KCMF1: variants seen among roughly 807,000 people sequenced by gnomAD.
KCMF1 encodes the protein potassium channel modulatory factor 1.
In KCMF1, 3 loss-of-function variants were observed where a neutral mutation model predicts 41.1. The observed-to-expected ratio is 0.07, with a 90% CI of 0.03 to 0.19. The LOEUF (loss-of-function observed/expected upper bound fraction) is 0.19. Ranked by LOEUF, KCMF1 falls within the 10% of genes least tolerant of loss-of-function variation. The probability of loss-of-function intolerance (pLI) is 1.00; values close to 1 mark genes in which losing one functional copy is unlikely to be tolerated. For missense variants in KCMF1, 286 were observed against 488.9 expected (o/e 0.58, Z 3.91); for synonymous variants, 142 against 164.5 (o/e 0.86, Z 1.04).
intron 1 of KCMF1, among the ~76,000 whole-genome samples, chr2:84,983,361 C>G (rs1045732032): frequency 5.9e-5 from 9 of 151,924 alleles, no homozygotes; most frequent in Non-Finnish European, 1.0e-4. Flanking sequence ...GAGTCTCACT[C>G]TGTTGCCCAG....
At chr2:85,003,199 C>T (rs575041137) in intron 1 of KCMF1, among the ~76,000 whole-genome samples, 3 of 152,218 alleles carry the variant, frequency 2.0e-5, no homozygotes, top group South Asian at 2.1e-4. Flanking sequence ...GTTGGCCGGG[C>T]GCGGTGGCTC....
chr2:85,011,209 A>G (rs1674645052), intron 1 of KCMF1, among the ~76,000 whole-genome samples: 1 of 152,130 alleles, frequency 6.6e-6, no homozygotes, highest in South Asian at 2.1e-4. Context: ...AACCCCTTTA[A>G]GGTTTCTTCT....
At position 85,056,078 on chromosome 2, in the gene KCMF1, C is replaced by T. The variant is rs750417682; in HGVS notation, c.*2669C>T. The T allele has an allele frequency of 1.8e-4, 27 of 151,310 alleles. No individual in the cohort carries two copies. Among genetic ancestry groups the T allele is most frequent in the Admixed American group, 3.3e-4 (5 of 15,218 alleles). The allele number at this position is 151,310 out of a possible 1,614,324, so 9.4% of individuals were successfully genotyped here. On this transcript the variant is annotated 3_prime_UTR_variant, in exon 7 of 7. Coordinates refer to ENST00000409785, the MANE Select transcript of KCMF1 (RefSeq NM_020122.5). ...AGACAGAATTTCTGTGGTTGGCTAC[C>T]GTGAAATCTTTGTATTTATATTGCA...
chr2:84,975,478 G>A (rs1405506042), intron 1 of KCMF1, among the ~76,000 whole-genome samples: 1 of 152,168 alleles, frequency 6.6e-6, no homozygotes, highest in African/African-American at 2.4e-5. Flanking sequence ...GGAAATAATT[G>A]TTCCTCAGGA....
chr2:85,001,657 G>A (rs2103990555), intron 1 of KCMF1, among the ~76,000 whole-genome samples: 1 of 152,202 alleles, frequency 6.6e-6, no homozygotes, highest in East Asian at 1.9e-4. Context: ...CCAAAAAATA[G>A]CCCCCATACA....
chr2:85,030,264 A>G (rs757208690), intron 2 of KCMF1, among the ~76,000 whole-genome samples: 1 of 150,826 alleles, frequency 6.6e-6, no homozygotes, highest in Non-Finnish European at 1.5e-5. Flanking sequence ...ATGATTTGCA[A>G]AAATTTTCTC....
chr2:84,982,518 C>T (rs548223117), intron 1 of KCMF1, among the ~76,000 whole-genome samples: 2 of 148,442 alleles, frequency 1.3e-5, no homozygotes, highest in Non-Finnish European at 3.0e-5. Context: ...TCTCCTGCCT[C>T]AGCCTCCCGA....
In KCMF1 at chr2:85,006,547, C is replaced by T. The variant is rs1043126013; in HGVS notation, c.17-21342C>T. Among the ~76,000 whole-genome samples the T allele has an allele frequency of 9.9e-5, 15 of 151,882 alleles. No individual in the cohort carries two copies. The South Asian group carries it at 2.1e-3, about 21-fold the overall frequency. The stretch of plus-strand genomic sequence containing the variant: ...GATCTTCTGACCTTGTGATCCACCA[C>T]CTTGGTCTCCCAAAGTGCTGGGATT... On this transcript the variant is annotated intron_variant, in intron 1 of 6. Coordinates refer to ENST00000409785, the MANE Select transcript of KCMF1 (RefSeq NM_020122.5).
At chr2:84,982,590 G>T (rs1250930708) in intron 1 of KCMF1, among the ~76,000 whole-genome samples, 3 of 151,504 alleles carry the variant, frequency 2.0e-5, no homozygotes, top group Admixed American at 2.0e-4. Context: ...GTAGAGACGG[G>T]GTTTCGCCAT....
chr2:84,976,226 A>C, intron 1 of KCMF1, among the ~76,000 whole-genome samples: 1 of 149,334 alleles, frequency 6.7e-6, no homozygotes, highest in Admixed American at 6.6e-5. Flanking sequence ...TTTTTTTTAA[A>C]GACAGAGTCT....
chr2:84,988,213 C>G (rs1293263010), intron 1 of KCMF1, among the ~76,000 whole-genome samples: 1 of 149,472 alleles, frequency 6.7e-6, no homozygotes, highest in East Asian at 2.0e-4. Context: ...GCCTGGGCAA[C>G]AAGAGTGAAA....
chr2:85,021,608 C>T (rs1039360331), intron 1 of KCMF1, among the ~76,000 whole-genome samples: 37 of 148,886 alleles, frequency 2.5e-4, no homozygotes, highest in Non-Finnish European at 3.1e-4. Context: ...GGCAACAGAG[C>T]GAGACTGTCA....
intron 1 of KCMF1, among the ~76,000 whole-genome samples, chr2:85,001,638 T>C (rs1332252823): frequency 6.6e-6 from 1 of 152,174 alleles, no homozygotes. Flanking sequence ...CCCCTAATCA[T>C]TGTGATGACC....
intron 1 of KCMF1, among the ~76,000 whole-genome samples, chr2:84,972,426 A>G (rs189628418): frequency 6.6e-6 from 1 of 152,338 alleles, no homozygotes; most frequent in East Asian, 1.9e-4. Flanking sequence ...ATTTATTGCC[A>G]TATGGTTTAG....
chr2:85,038,434 A>G (rs1460271933), intron 3 of KCMF1, among the ~76,000 whole-genome samples: 4 of 152,186 alleles, frequency 2.6e-5, no homozygotes, highest in Non-Finnish European at 4.4e-5. Flanking sequence ...TAGATCATCC[A>G]CTAGTCCTTT....
At chr2:84,979,544 T>TTA (rs1207119996) in intron 1 of KCMF1, among the ~76,000 whole-genome samples, 1 of 151,596 alleles carries the variant, frequency 6.6e-6, no homozygotes, top group African/African-American at 2.4e-5. Context: ...AAAAATCACT[T>TTA]TATAAATATA....
chr2:85,051,623 C>G (rs888984384), intron 6 of KCMF1, among the ~76,000 whole-genome samples: 2 of 152,068 alleles, frequency 1.3e-5, no homozygotes, highest in Non-Finnish European at 2.9e-5. Flanking sequence ...AGTTTGCAAA[C>G]CACTTTCCAC....
chr2:84,988,554 C>G (rs1673959128), intron 1 of KCMF1, among the ~76,000 whole-genome samples: 1 of 152,152 alleles, frequency 6.6e-6, no homozygotes, highest in African/African-American at 2.4e-5. Context: ...TAACATTAAG[C>G]TCTGTACCAA....
chr2:85,043,626 A>G lies in KCMF1; in HGVS notation c.387A>G (p.Ala129=). Residue 129 remains alanine, a synonymous_variant, in exon 4 of 7, where the codon GCA becomes GCG. Coordinates refer to ENST00000409785, the MANE Select transcript of KCMF1 (RefSeq NM_020122.5). Reference sequence around the variant, plus strand: ...CTAATCATGTCACGGATGACTTTGCAGCTCATCTTACACTTGAACACAGAG... The same window carrying G: ...CTAATCATGTCACGGATGACTTTGCGGCTCATCTTACACTTGAACACAGAG... ...GDPNHVTDDF[A]AHLTLEHRAP... 2 of 1,612,926 alleles carry G rather than the reference A, an allele frequency of 1.2e-6. No homozygotes were observed. Among genetic ancestry groups the G allele is most frequent in the Non-Finnish European group, 1.7e-6 (2 of 1,179,120 alleles).
Sources: gnomAD v4.1 joint callset for allele counts (sites outside exome capture counted in the v4.1 genomes callset) on GRCh38, gnomAD v4.1.1 for gene constraint, MANE v1.5 for transcripts, NCBI Gene and HGNC (gene_info 2026-07-23, HGNC 2026-07-21) for gene names.